ADAMTS9: variants seen among roughly 807,000 people sequenced by gnomAD.
ADAMTS9 encodes A disintegrin and metalloproteinase with thrombospondin motifs 9.
Under a neutral mutation model 257.1 loss-of-function variants are expected in ADAMTS9, and 107 were observed. That is an observed-to-expected ratio of 0.42 (90% CI 0.36 to 0.49). The LOEUF (loss-of-function observed/expected upper bound fraction) is 0.49, where lower values mean the gene tolerates loss of function less well. Ranked by LOEUF, ADAMTS9 falls within the 20% of genes least tolerant of loss-of-function variation. The probability of loss-of-function intolerance (pLI) is 0.03; values close to 1 mark genes in which losing one functional copy is unlikely to be tolerated. For synonymous variants in ADAMTS9, 982 were observed against 880.9 expected, an observed-to-expected ratio of 1.11 and a Z score of -2.03; for missense variants, 2,353 against 2,469.1, an observed-to-expected ratio of 0.95 and a Z score of 1.00.
At chr3:64,654,683 G>A in intron 6 of ADAMTS9, 71 bp from the exon 7 acceptor site, 7 of 1,544,162 alleles carry the variant, frequency 4.5e-6, no homozygotes, top group Non-Finnish European at 6.3e-6. Flanking sequence ...ATACTTTAGG[G>A]TCGTCTAGGC....
At chr3:64,599,139 A>G (rs765827598) in intron 26 of ADAMTS9, among the ~76,000 whole-genome samples, 68 of 152,028 alleles carry the variant, frequency 4.5e-4, no homozygotes, top group Non-Finnish European at 8.2e-4. Context: ...TGCACTGCAC[A>G]TTCTTGAGCT....
At chr3:64,670,534 A>G (rs72892843) in intron 3 of ADAMTS9, among the ~76,000 whole-genome samples, 10,660 of 152,294 alleles carry the variant, frequency 0.07, 1,209 homozygotes, top group African/African-American at 0.24. Flanking sequence ...AAAATAAAGA[A>G]GCTATGTATG....
chr3:64,643,791 T>A (rs1700720186), intron 11 of ADAMTS9, among the ~76,000 whole-genome samples: 2 of 152,006 alleles, frequency 1.3e-5, no homozygotes, highest in African/African-American at 4.8e-5. Flanking sequence ...TAATGCTTTT[T>A]TTTTTTCATA....
intron 32 of ADAMTS9, among the ~76,000 whole-genome samples, chr3:64,546,392 T>C (rs1316297876): frequency 1.3e-5 from 2 of 152,212 alleles, no homozygotes; most frequent in Non-Finnish European, 2.9e-5. Flanking sequence ...ATTTTGGATT[T>C]TGGATTTCTG....
intron 28 of ADAMTS9, among the ~76,000 whole-genome samples, chr3:64,572,218 G>C (rs2083706229): frequency 6.6e-6 from 1 of 152,150 alleles, no homozygotes; most frequent in African/African-American, 2.4e-5. Flanking sequence ...AAGTGCCTGG[G>C]TATTCAGGCT....
chr3:64,686,049 A>C lies in ADAMTS9; in HGVS notation c.516+519T>G, dbSNP rs1291682160. Among the ~76,000 whole-genome samples, 1 of 152,158 alleles carries C rather than the reference A, an allele frequency of 6.6e-6. No homozygotes were observed. Among genetic ancestry groups the C allele is most frequent in the East Asian group, 1.9e-4 (1 of 5,170 alleles). On this transcript the variant is annotated intron_variant, in intron 2 of 39. Transcript: ENST00000498707. This position sits in a 1 kb window ranked among gnomAD's most constrained non-coding sequence, Gnocchi z 4.6. ...GCCTCAGGGTTCCTGGCGCGTGAATAAAGGCCCTGAGAGAAAGCGGGGACT... is the reference window on the plus strand; with the variant it reads ...GCCTCAGGGTTCCTGGCGCGTGAATCAAGGCCCTGAGAGAAAGCGGGGACT...
At chr3:64,552,761 T>G (rs1405124162) in intron 30 of ADAMTS9, among the ~76,000 whole-genome samples, 1 of 152,148 alleles carries the variant, frequency 6.6e-6, no homozygotes, top group Non-Finnish European at 1.5e-5. Context: ...CTCACTACGT[T>G]GCCCAGTTTG....
chr3:64,565,216 C>T (rs1199572550), intron 29 of ADAMTS9, among the ~76,000 whole-genome samples: 1 of 152,194 alleles, frequency 6.6e-6, no homozygotes, highest in East Asian at 1.9e-4. Context: ...CTCCATTAAA[C>T]ACTTGAAGGA....
At position 64,631,524 on chromosome 3, in the gene ADAMTS9, C is replaced by G. The variant is rs374326462; in HGVS notation, c.2320G>C (p.Ala774Pro). 6.8e-6 allele frequency: 11 copies of G among 1,613,982 alleles called. No homozygotes were observed. The African/African-American group carries it at 1.5e-4, about 22-fold the overall frequency. Residue 774 changes from alanine (A) to proline (P), a missense_variant, in exon 16 of 40, where the codon GCT (alanine) becomes CCT (proline). Coordinates refer to ENST00000498707, the MANE Select transcript of ADAMTS9 (RefSeq NM_182920.2). ...CGCACATCAATATTGGTAGCACCAG[C>G]TGGAATTCGGACCACAGTATTGTAA... ...YGYNTVVRIPAGATNIDVRQH... is the reference protein window; with the variant it reads ...YGYNTVVRIPPGATNIDVRQH...
At position 64,665,230 on chromosome 3, in the gene ADAMTS9, C is replaced by T. The variant is rs570929463; in HGVS notation, c.680-6439G>A. Among the ~76,000 whole-genome samples the T allele has an allele frequency of 7.9e-5, 12 of 152,310 alleles. No individual in the cohort carries two copies. The East Asian group carries it at 2.3e-3, about 29-fold the overall frequency. On this transcript the variant is annotated intron_variant, in intron 3 of 39. Coordinates refer to ENST00000498707, the MANE Select transcript of ADAMTS9 (RefSeq NM_182920.2). ...TTACAAGGACATGAGTTAATACAGG[C>T]TTTTGCAACTACTTTGGCGTCGATG...
At chr3:64,580,998 G>T (rs1030193957) in intron 28 of ADAMTS9, among the ~76,000 whole-genome samples, 1 of 152,084 alleles carries the variant, frequency 6.6e-6, no homozygotes, top group East Asian at 1.9e-4. Context: ...ATAATTATTG[G>T]GAACCTTTCT....
chr3:64,649,511 T>C, intron 10 of ADAMTS9, 126 bp downstream of exon 10: 2 of 1,072,238 alleles, frequency 1.9e-6, no homozygotes, highest in Non-Finnish European at 2.6e-6. Flanking sequence ...TGATCACTAA[T>C]ATGCAATTTT....
In ADAMTS9 at chr3:64,607,290, C is replaced by CATTCAATATAA. The variant is rs2084576311; in HGVS notation, c.3355-212_3355-211insTTATATTGAAT. On this transcript the variant is annotated intron_variant, in intron 22 of 39. Coordinates refer to ENST00000498707, the MANE Select transcript of ADAMTS9 (RefSeq NM_182920.2). ...GACCCTTGGAATTATTTCTGCCTCCCATTGAAATGATATTTATAGGGGTTC... is the reference window on the plus strand; with the variant it reads ...GACCCTTGGAATTATTTCTGCCTCCCATTCAATATAAATTGAAATGATATTTATAGGGGTTC... 2.0e-5 allele frequency among the ~76,000 whole-genome samples: 3 copies of CATTCAATATAA among 152,284 alleles called. No homozygotes were observed. In the South Asian group the frequency reaches 6.2e-4, roughly 32 times the overall value.
At chr3:64,570,784 T>C (rs532534095) in intron 28 of ADAMTS9, among the ~76,000 whole-genome samples, 6 of 150,634 alleles carry the variant, frequency 4.0e-5, no homozygotes, top group African/African-American at 1.5e-4. Flanking sequence ...AAGGGCAGTA[T>C]CAGGGATAAC....
intron 3 of ADAMTS9, among the ~76,000 whole-genome samples, chr3:64,667,923 A>G (rs1701389239): frequency 1.3e-5 from 2 of 152,238 alleles, no homozygotes; most frequent in Admixed American, 1.3e-4. Context: ...TATCTATTTG[A>G]AGTAGTATAA....
At chr3:64,607,108 C>A (rs765937403) in intron 22 of ADAMTS9, 29 bp from the exon 23 acceptor site, 5 of 1,608,284 alleles carry the variant, frequency 3.1e-6, no homozygotes, top group Non-Finnish European at 3.4e-6. Context: ...AAGGTATATA[C>A]AATTCAGCAA....
intron 28 of ADAMTS9, among the ~76,000 whole-genome samples, chr3:64,581,288 C>T (rs1442306088): frequency 6.6e-6 from 1 of 152,162 alleles, no homozygotes; most frequent in Non-Finnish European, 1.5e-5. Flanking sequence ...GAAGGTCATT[C>T]ATTCAGAGCA....
Position 64,622,301 on chromosome 3 carries a change from G to A in ADAMTS9, c.2583C>T (p.Asn861=). 6.2e-7 allele frequency: 1 copy of A among 1,613,766 alleles called. No homozygotes were observed. Among genetic ancestry groups the A allele is most frequent in the Non-Finnish European group, 8.5e-7 (1 of 1,179,930 alleles). ...TATTGAAAGAATAGCGTACATCGGGGTTGTACAACTTTCCCACCGACAAAA... is the reference window on the plus strand; with the variant it reads ...TATTGAAAGAATAGCGTACATCGGGATTGTACAACTTTCCCACCGACAAAA... ...LQVLSVGKLY[N]PDVRYSFNIP... Residue 861 remains asparagine, a synonymous_variant, in exon 18 of 40, where the codon AAC becomes AAT. Coordinates refer to ENST00000498707, the MANE Select transcript of ADAMTS9 (RefSeq NM_182920.2).
intron 28 of ADAMTS9, among the ~76,000 whole-genome samples, chr3:64,580,609 G>C (rs957283539): frequency 2.6e-5 from 4 of 152,148 alleles, no homozygotes; most frequent in Non-Finnish European, 5.9e-5. Flanking sequence ...CCATTTCAAA[G>C]CTCTGGCCTG....
Sources: allele counts gnomAD v4.1 joint callset (sites outside exome capture counted in the v4.1 genomes callset), GRCh38; gene constraint gnomAD v4.1.1; non-coding constraint Gnocchi (gnomAD v3.1); transcripts MANE v1.5; gene names NCBI Gene and HGNC (gene_info 2026-07-23, HGNC 2026-07-21).